The following DLC1 variants were observed in gnomAD, a reference collection of about 807,000 sequenced individuals.
DLC1 encodes DLC1 Rho GTPase activating protein.
A neutral mutation model predicts 140.3 loss-of-function variants in DLC1; 54 were observed. That is an observed-to-expected ratio of 0.38 (90% CI 0.31 to 0.48). DLC1 has a LOEUF of 0.48. Ranked by LOEUF, DLC1 falls within the 20% of genes least tolerant of loss-of-function variation. The pLI is 0.96. For missense variants in DLC1, 2,536 were observed against 1,907.0 expected (o/e 1.33, Z -6.14); for synonymous variants, 986 against 728.1 (o/e 1.35, Z -5.70).
At chr8:13,271,474 AT>A (rs1189966361) in intron 5 of DLC1, among the ~76,000 whole-genome samples, 18 of 152,236 alleles carry the variant, frequency 1.2e-4, no homozygotes, top group African/African-American at 4.3e-4. Flanking sequence ...TGGAGGACTC[AT>A]CAGCTGCAAT....
intron 4 of DLC1, among the ~76,000 whole-genome samples, chr8:13,338,929 A>G (rs1833919195): frequency 6.6e-6 from 1 of 152,240 alleles, no homozygotes; most frequent in Non-Finnish European, 1.5e-5. Context: ...ATTATTTTGC[A>G]CACAAAATAT....
chr8:13,489,192 C>G (rs1171893572), intron 2 of DLC1, among the ~76,000 whole-genome samples: 1 of 152,040 alleles, frequency 6.6e-6, no homozygotes, highest in Non-Finnish European at 1.5e-5. Flanking sequence ...GGTGATCTGC[C>G]TGCTTTGGCT....
intron 2 of DLC1, among the ~76,000 whole-genome samples, chr8:13,445,074 GGA>G (rs954708777): frequency 6.6e-6 from 1 of 152,044 alleles, no homozygotes; most frequent in Non-Finnish European, 1.5e-5. Context: ...ACACAGCAGG[GGA>G]GAGAGAGGGG....
At chr8:13,144,620 C>G (rs9643936) in intron 5 of DLC1, among the ~76,000 whole-genome samples, 51,931 of 151,802 alleles carry the variant, frequency 0.34, 10,175 homozygotes, top group East Asian at 0.54. Context: ...AAAAAATTAG[C>G]CAGGCGTGGT....
intron 2 of DLC1, among the ~76,000 whole-genome samples, chr8:13,418,412 C>T (rs1287434521): frequency 6.6e-6 from 1 of 152,114 alleles, no homozygotes. Context: ...GGAAGGGATC[C>T]AGTTTCAGCT....
rs192133700 is a variant in DLC1 at position 13,353,442 on chromosome 8, G to A, written c.1314+40111C>T. The stretch of plus-strand genomic sequence containing the variant: ...CCCATTGAGTAATGATGACTAGAGT[G>A]GGAATGAGTGTGGTTTTGAAGAGAA... On this transcript the variant is annotated intron_variant, in intron 4 of 17. Coordinates refer to ENST00000276297, the MANE Select transcript of DLC1 (RefSeq NM_182643.3). 2.4e-4 allele frequency: 36 copies of A among 151,982 alleles called. No individual in the cohort carries two copies. The East Asian group carries it at 4.8e-3, about 20-fold the overall frequency. 9.4% of individuals were successfully genotyped at this position (151,982 alleles called of 1,614,324 possible).
chr8:13,422,305 G>A (rs1351353115), intron 2 of DLC1, among the ~76,000 whole-genome samples: 1 of 152,016 alleles, frequency 6.6e-6, no homozygotes, highest in East Asian at 1.9e-4. Flanking sequence ...AGATGAAATG[G>A]TGTTTAGTGA....
intron 4 of DLC1, chr8:13,340,658 G>C (rs1354577438): frequency 6.6e-6 from 1 of 152,166 alleles, no homozygotes; most frequent in African/African-American, 2.4e-5. Flanking sequence ...AAGGATGTTT[G>C]ACTAGCTGAT....
At chr8:13,111,651 A>G (rs115452954) in intron 6 of DLC1, among the ~76,000 whole-genome samples, 170 of 152,306 alleles carry the variant, frequency 1.1e-3, no homozygotes, top group African/African-American at 4.0e-3. Context: ...GAAATTTACA[A>G]CAGCTCTGAA....
At chr8:13,434,001 C>A (rs6981311) in intron 2 of DLC1, among the ~76,000 whole-genome samples, 8,460 of 152,164 alleles carry the variant, frequency 0.056, 743 homozygotes, top group African/African-American at 0.19. Context: ...GATTACAGGC[C>A]TGTGCCACCA....
At chr8:13,598,354 G>GTC (rs1174786312) in intron 1 of DLC1, among the ~76,000 whole-genome samples, 1 of 151,428 alleles carries the variant, frequency 6.6e-6, no homozygotes, top group Non-Finnish European at 1.5e-5. Context: ...CAACAAGGGT[G>GTC]TCTCTACCTG....
intron 5 of DLC1, among the ~76,000 whole-genome samples, chr8:13,196,573 C>T (rs947482050): frequency 1.3e-5 from 2 of 152,126 alleles, no homozygotes; most frequent in Admixed American, 1.3e-4. Flanking sequence ...TTCTGTGGTT[C>T]TATGATTCTT....
chr8:13,227,777 A>G (rs1384727992), intron 5 of DLC1, among the ~76,000 whole-genome samples: 1 of 152,234 alleles, frequency 6.6e-6, no homozygotes, highest in African/African-American at 2.4e-5. Context: ...ATTGTGACAT[A>G]GACACTTGTT....
intron 2 of DLC1, among the ~76,000 whole-genome samples, chr8:13,477,537 TA>T (rs1172375846): frequency 2.6e-5 from 4 of 152,194 alleles, no homozygotes; most frequent in Non-Finnish European, 5.9e-5. Context: ...CTACATTTGA[TA>T]AAAAACCAAG....
intron 2 of DLC1, among the ~76,000 whole-genome samples, chr8:13,457,070 A>G (rs986954808): frequency 3.3e-5 from 5 of 152,108 alleles, no homozygotes; most frequent in African/African-American, 1.2e-4. Context: ...TTTTGATTCA[A>G]TTCTATTTCC....
intron 2 of DLC1, among the ~76,000 whole-genome samples, chr8:13,442,552 A>G (rs1409748361): frequency 6.6e-6 from 1 of 152,240 alleles, no homozygotes; most frequent in Non-Finnish European, 1.5e-5. Context: ...AAGGATGTGA[A>G]CAGACACTTC....
intron 4 of DLC1, among the ~76,000 whole-genome samples, chr8:13,308,694 C>A (rs1832553999): frequency 6.6e-6 from 1 of 152,054 alleles, no homozygotes; most frequent in African/African-American, 2.4e-5. Context: ...CCAAAAAAGG[C>A]AAAGAATGGA....
intron 5 of DLC1, among the ~76,000 whole-genome samples, chr8:13,129,599 C>T (rs1821909821): frequency 6.6e-6 from 1 of 152,146 alleles, no homozygotes; most frequent in Admixed American, 6.5e-5. Flanking sequence ...TAGTTCTCTC[C>T]CACTAGATCC....
At chr8:13,442,708 G>T (rs1482151775) in intron 2 of DLC1, among the ~76,000 whole-genome samples, 1 of 152,076 alleles carries the variant, frequency 6.6e-6, no homozygotes, top group African/African-American at 2.4e-5. Context: ...GGAAACAACA[G>T]TGCTGGAGAG....
Sources: allele counts gnomAD v4.1 joint callset (sites outside exome capture counted in the v4.1 genomes callset), GRCh38; gene constraint gnomAD v4.1.1; transcripts MANE v1.5; gene names NCBI Gene and HGNC (gene_info 2026-07-23, HGNC 2026-07-21).